The following ZNF654 variants were observed in gnomAD, a reference collection of about 807,000 sequenced individuals.
ZNF654 encodes melanoma-associated antigen.
In ZNF654, 19 loss-of-function variants were observed where a neutral mutation model predicts 95.3. The observed-to-expected ratio is 0.20, with a 90% CI of 0.14 to 0.29. ZNF654 has a LOEUF of 0.29. ZNF654 is among the 10% of genes least tolerant of loss of function. The pLI is 1.00. For missense variants in ZNF654, 1,046 were observed against 1,341.0 expected, an observed-to-expected ratio of 0.78 and a Z score of 3.44; for synonymous variants, 413 against 457.9, an observed-to-expected ratio of 0.90 and a Z score of 1.25.
chr3:88,065,598 T>C (rs1707151256), intron 1 of ZNF654, among the ~76,000 whole-genome samples: 1 of 152,202 alleles, frequency 6.6e-6, no homozygotes, highest in Non-Finnish European at 1.5e-5. Context: ...GGTATGCTTA[T>C]GGCTGAATTT....
chr3:88,068,546 A>G (rs949238284), intron 1 of ZNF654, among the ~76,000 whole-genome samples: 3 of 152,144 alleles, frequency 2.0e-5, no homozygotes, highest in Admixed American at 6.5e-5. Context: ...TGGTTACTCT[A>G]AAGTTGAAAT....
intron 1 of ZNF654, among the ~76,000 whole-genome samples, chr3:88,062,467 A>G (rs1706938699): frequency 6.6e-6 from 1 of 152,288 alleles, no homozygotes; most frequent in South Asian, 2.1e-4. Context: ...TTTAGAAAGT[A>G]CTCTTTCATT....
chr3:88,090,961 G>A (rs1215193020), intron 2 of ZNF654, among the ~76,000 whole-genome samples: 2 of 152,188 alleles, frequency 1.3e-5, no homozygotes, highest in Admixed American at 6.5e-5. Flanking sequence ...TGCAGGCTGC[G>A]AGTTGGACAA....
chr3:88,080,111 A>C (rs1294426663), intron 1 of ZNF654, among the ~76,000 whole-genome samples: 1 of 152,064 alleles, frequency 6.6e-6, no homozygotes, highest in Non-Finnish European at 1.5e-5. Context: ...CTGTTCAGGC[A>C]TGTAGCATTT....
intron 2 of ZNF654, among the ~76,000 whole-genome samples, chr3:88,104,750 AAAG>A (rs993889260): frequency 6.6e-6 from 1 of 152,224 alleles, no homozygotes; most frequent in East Asian, 1.9e-4. Flanking sequence ...GCTCAGTCCC[AAAG>A]AAGGAGGAAG....
At chr3:88,092,789 G>A (rs116198358) in intron 2 of ZNF654, among the ~76,000 whole-genome samples, 4 of 152,006 alleles carry the variant, frequency 2.6e-5, no homozygotes, top group African/African-American at 9.6e-5. Context: ...ATATTCTCTG[G>A]CAGTATTGTC....
In ZNF654 at chr3:88,119,549, T is replaced by TA. The variant is rs56122963; in HGVS notation, c.414+6366dup. On this transcript the variant is annotated intron_variant, in intron 3 of 8. Coordinates refer to ENST00000636215, the MANE Select transcript of ZNF654 (RefSeq NM_001350134.2). Reference sequence around the variant, plus strand: ...TAAAACTTAAAGTATAATAATAAATTAAAAAAAAAAAAACAATAATTATTG... The same window carrying TA: ...TAAAACTTAAAGTATAATAATAAATTAAAAAAAAAAAAAACAATAATTATTG... Among the ~76,000 whole-genome samples, 1,106 of 141,892 alleles carry TA rather than the reference T, an allele frequency of 7.8e-3. 12 individuals are homozygous for TA. Among genetic ancestry groups the TA allele is most frequent in the African/African-American group, 0.02 (796 of 38,902 alleles). 93.1% of individuals were successfully genotyped at this position (141,892 alleles called of 152,430 possible). A position where few individuals can be genotyped will look rare whatever the true frequency, so the allele number is the denominator to read the frequency against.
At chr3:88,102,212 T>C (rs2107721504) in intron 2 of ZNF654, among the ~76,000 whole-genome samples, 1 of 152,248 alleles carries the variant, frequency 6.6e-6, no homozygotes, top group African/African-American at 2.4e-5. Context: ...TTCTTGGATC[T>C]GTGGGCTTAC....
In ZNF654 at chr3:88,125,009, A is replaced by T. The variant is rs1359704107; in HGVS notation, c.415-1125A>T. Among the ~76,000 whole-genome samples, 18 of 152,036 alleles carry T rather than the reference A, an allele frequency of 1.2e-4. 1 individual carries two copies. On this transcript the variant is annotated intron_variant, in intron 3 of 8. Coordinates refer to ENST00000636215, the MANE Select transcript of ZNF654 (RefSeq NM_001350134.2). ...GGCAGGCGGATCATGAGGTCAAGAG[A>T]TTGAGACTATCCTGGCTAACACGGT...
At chr3:88,133,656 A>T (rs1218081745) in intron 6 of ZNF654, among the ~76,000 whole-genome samples, 1 of 152,138 alleles carries the variant, frequency 6.6e-6, no homozygotes, top group Non-Finnish European at 1.5e-5. Context: ...AGTTCCTGAG[A>T]TTCAAATCCT....
At chr3:88,132,489 T>G (rs1354386111) in intron 6 of ZNF654, among the ~76,000 whole-genome samples, 1 of 152,206 alleles carries the variant, frequency 6.6e-6, no homozygotes, top group Non-Finnish European at 1.5e-5. Context: ...TTTTCAGGAT[T>G]TTTTTGTTGT....
rs1387560614 is a variant in ZNF654, at chr3:88,138,761, C to G, written c.1092C>G (p.Leu364=). The change falls in exon 8 of 9, where the codon CTC becomes CTG. Residue 364 remains leucine, a synonymous_variant. Transcript: ENST00000636215. ...CVEICGCALQ[L]DLHDDPKTKC... The stretch of plus-strand genomic sequence containing the variant: ...AAATATGTGGTTGTGCTCTACAACT[C>G]GACCTTCATGATGATCCCAAAACTA... 8.1e-7 allele frequency: 1 copy of G among 1,231,960 alleles called. No homozygotes were observed. The highest frequency in any genetic ancestry group is 1.5e-5 in the African/African-American group (1 of 64,518). 76.3% of individuals were successfully genotyped at this position (1,231,960 alleles called of 1,614,324 possible).
chr3:88,059,787 C>T (rs1706745424), intron 1 of ZNF654, among the ~76,000 whole-genome samples: 1 of 152,142 alleles, frequency 6.6e-6, no homozygotes, highest in Non-Finnish European at 1.5e-5. Flanking sequence ...TCTGTCCTGA[C>T]ATGCCTTCCC....
intron 1 of ZNF654, among the ~76,000 whole-genome samples, chr3:88,084,694 A>G (rs1419767149): frequency 1.3e-5 from 2 of 152,218 alleles, no homozygotes; most frequent in Admixed American, 6.5e-5. Context: ...TTTGCCTGCC[A>G]CAGTTTTACA....
intron 7 of ZNF654, 62 bp from the exon 8 acceptor site, chr3:88,138,643 A>G: frequency 1.0e-6 from 1 of 983,370 alleles, no homozygotes; most frequent in East Asian, 3.3e-5. Context: ...TTTTAAAGAT[A>G]GACTAGTATA....
chr3:88,083,825 G>A lies in ZNF654; in HGVS notation c.187-2432G>A, dbSNP rs1212089453. On this transcript the variant is annotated intron_variant, in intron 1 of 8. Transcript: ENST00000636215. ...CCAAAAAAGAAAAAAAGTGAAAGAT[G>A]TGGTGCTTACTGCCTTGTGGCCTTG... Among the ~76,000 whole-genome samples the A allele has an allele frequency of 3.3e-5, 5 of 152,218 alleles. No homozygotes were observed. In the East Asian group the frequency reaches 9.6e-4, roughly 29 times the overall value.
At chr3:88,074,297 C>G (rs988858435) in intron 1 of ZNF654, among the ~76,000 whole-genome samples, 5 of 151,704 alleles carry the variant, frequency 3.3e-5, no homozygotes, top group Non-Finnish European at 7.4e-5. Context: ...CTTCTTTTAG[C>G]CCTCTAAAGG....
At chr3:88,120,876 C>T (rs1411775449) in intron 3 of ZNF654, among the ~76,000 whole-genome samples, 1 of 151,980 alleles carries the variant, frequency 6.6e-6, no homozygotes, top group African/African-American at 2.4e-5. Flanking sequence ...TATAGTAATT[C>T]AAAGTCTGAT....
At chr3:88,082,631 G>A (rs1380490708) in intron 1 of ZNF654, among the ~76,000 whole-genome samples, 1 of 152,164 alleles carries the variant, frequency 6.6e-6, no homozygotes, top group African/African-American at 2.4e-5. Flanking sequence ...CTGTGTTATT[G>A]ATCTAGTCTG....
Sources: gnomAD v4.1 joint callset for allele counts (sites outside exome capture counted in the v4.1 genomes callset) on GRCh38, gnomAD v4.1.1 for gene constraint, MANE v1.5 for transcripts, NCBI Gene and HGNC (gene_info 2026-07-23, HGNC 2026-07-21) for gene names.